The following PCDHA1 variants were observed in gnomAD, a reference collection of about 807,000 sequenced individuals.
PCDHA1 encodes the protein protocadherin alpha 1.
Under a neutral mutation model 61.3 loss-of-function variants are expected in PCDHA1, and 42 were observed. The ratio of observed to expected loss-of-function variants is 0.69; its 90% CI spans 0.54 to 0.89. PCDHA1 has a LOEUF of 0.89. Among genes scored for constraint, PCDHA1 ranks in the 40% least tolerant of loss-of-function variants. The pLI is 0.00. For missense variants in PCDHA1, 1,256 were observed against 1,235.3 expected, an observed-to-expected ratio of 1.02 and a Z score of -0.25; for synonymous variants, 610 against 553.8, an observed-to-expected ratio of 1.10 and a Z score of -1.43.
At chr5:140,954,287 TG>T (rs1353316805) in intron 1 of PCDHA1, among the ~76,000 whole-genome samples, 1 of 152,248 alleles carries the variant, frequency 6.6e-6, no homozygotes, top group Non-Finnish European at 1.5e-5. Flanking sequence ...TATATTCCTT[TG>T]GGTACATACC....
chr5:140,836,580 A>C (rs2150264588), intron 1 of PCDHA1: 1 of 1,613,664 alleles, frequency 6.2e-7, no homozygotes, highest in Non-Finnish European at 8.5e-7. Flanking sequence ...GGGCGCATGT[A>C]GTTTGGTAAA....
intron 1 of PCDHA1, among the ~76,000 whole-genome samples, chr5:140,945,365 G>A (rs1458066318): frequency 6.6e-6 from 1 of 151,914 alleles, no homozygotes; most frequent in Non-Finnish European, 1.5e-5. Flanking sequence ...TGTTTAAAAT[G>A]TCCATATTAC....
In PCDHA1 at chr5:140,870,216, C is replaced by G. The variant is rs1554163914; in HGVS notation, c.2394+81532C>G. On this transcript the variant is annotated intron_variant, in intron 1 of 3. Transcript: ENST00000504120. Reference sequence around the variant, plus strand: ...AGCCCAGCACGGTCATTGCCCTGATCAGCGTGTCTGACCGTGACTCAGGTG... The same window carrying G: ...AGCCCAGCACGGTCATTGCCCTGATGAGCGTGTCTGACCGTGACTCAGGTG... 3 of 1,614,070 alleles carry G rather than the reference C, an allele frequency of 1.9e-6. No homozygotes were observed. Among genetic ancestry groups the G allele is most frequent in the Admixed American group, 3.3e-5 (2 of 60,012 alleles).
At chr5:140,853,678 A>G (rs2042828793) in intron 1 of PCDHA1, 4 of 988,418 alleles carry the variant, frequency 4.0e-6, no homozygotes, top group Non-Finnish European at 3.7e-6. Flanking sequence ...CCTATGGTCA[A>G]CCTATCCTTA....
Position 140,857,640 on chromosome 5 carries a change from A to T in PCDHA1, c.2394+68956A>T, listed in dbSNP as rs1554150415. The T allele has an allele frequency of 1.3e-6, 2 of 1,596,722 alleles. 1 individual carries two copies. The highest frequency in any genetic ancestry group is 3.4e-5 in the Admixed American group (2 of 59,300). On this transcript the variant is annotated intron_variant, in intron 1 of 3. Coordinates refer to ENST00000504120, the MANE Select transcript of PCDHA1 (RefSeq NM_018900.4). The stretch of plus-strand genomic sequence containing the variant: ...GACCACGAGGAGCTGGAGCTGCTAC[A>T]GTTCCAGGTGAGCGCGCGCGATGGG...
chr5:140,926,641 C>A, intron 1 of PCDHA1: 1 of 460,388 alleles, frequency 2.2e-6, no homozygotes, highest in Non-Finnish European at 3.6e-6. Flanking sequence ...TCCTCAACAC[C>A]CGGCCGGCTC....
At chr5:140,789,533 A>G (rs984174658) in intron 1 of PCDHA1, among the ~76,000 whole-genome samples, 6 of 152,056 alleles carry the variant, frequency 3.9e-5, no homozygotes, top group Non-Finnish European at 8.8e-5. Context: ...TAATTTCTTT[A>G]TGAAAACATA....
intron 1 of PCDHA1, among the ~76,000 whole-genome samples, chr5:140,914,458 A>G (rs1294717004): frequency 6.6e-6 from 1 of 152,004 alleles, no homozygotes; most frequent in Non-Finnish European, 1.5e-5. Flanking sequence ...TTTCCAGTCT[A>G]TGTGTATCTT....
chr5:140,876,575 T>C (rs2153342882), intron 1 of PCDHA1: 1 of 1,614,152 alleles, frequency 6.2e-7, no homozygotes, highest in South Asian at 1.1e-5. Context: ...GTGGGTACCG[T>C]CATTGCCCTG....
Position 140,786,560 on chromosome 5 carries a change from C to A in PCDHA1, c.270C>A (p.Ile90=). Residue 90 remains isoleucine (I), a synonymous_variant, in exon 1 of 4, where the codon ATC becomes ATA. Coordinates refer to ENST00000504120, the MANE Select transcript of PCDHA1 (RefSeq NM_018900.4). ...GCATTTTGTTTGTGAATTCTCGGATCGATCGCGAGGAGCTGTGCCAGTGGA... is the reference window on the plus strand; with the variant it reads ...GCATTTTGTTTGTGAATTCTCGGATAGATCGCGAGGAGCTGTGCCAGTGGA... ...QNGILFVNSR[I]DREELCQWSA... 6.2e-7 allele frequency: 1 copy of A among 1,614,212 alleles called. No individual in the cohort carries two copies.
intron 1 of PCDHA1, among the ~76,000 whole-genome samples, chr5:140,909,331 G>T (rs1162078506): frequency 6.6e-6 from 1 of 152,226 alleles, no homozygotes; most frequent in Admixed American, 6.5e-5. Context: ...ATCAATGGTT[G>T]CATACCAGGT....
At chr5:140,829,954 G>C in intron 1 of PCDHA1, 1 of 1,613,992 alleles carries the variant, frequency 6.2e-7, no homozygotes, top group South Asian at 1.1e-5. Flanking sequence ...CTCGCTTCCC[G>C]TTTCGCGTGG....
intron 1 of PCDHA1, chr5:140,802,811 C>T: frequency 6.2e-7 from 1 of 1,613,360 alleles, no homozygotes. Context: ...TGAGTGCGCG[C>T]GATGCGGGCG....
intron 1 of PCDHA1, chr5:140,871,048 C>G (rs1472650820): frequency 6.2e-7 from 1 of 1,613,230 alleles, no homozygotes; most frequent in Non-Finnish European, 8.5e-7. Flanking sequence ...ACTTCTAGTA[C>G]TGGTGAAGGA....
chr5:140,841,831 C>A, intron 1 of PCDHA1: 1 of 1,613,930 alleles, frequency 6.2e-7, no homozygotes, highest in Non-Finnish European at 8.5e-7. Context: ...TGTTAACCTA[C>A]AGGCTTAGCT....
intron 1 of PCDHA1, among the ~76,000 whole-genome samples, chr5:140,845,188 T>C (rs1416130402): frequency 1.3e-5 from 2 of 149,344 alleles, no homozygotes; most frequent in African/African-American, 4.9e-5. Flanking sequence ...CTTTAAAAAA[T>C]ATGATTGTTT....
chr5:140,835,710 G>A (rs1773867505), intron 1 of PCDHA1: 1 of 1,613,842 alleles, frequency 6.2e-7, no homozygotes, highest in Non-Finnish European at 8.5e-7. Context: ...TAGCGTGTCC[G>A]TGGAGGTGGC....
At chr5:140,929,663 G>A (rs1284467278) in intron 1 of PCDHA1, 1 of 336,002 alleles carries the variant, frequency 3.0e-6, no homozygotes, top group African/African-American at 2.1e-5. Context: ...TATTTAAAGT[G>A]AAGAATGAAA....
chr5:140,857,141 G>A, intron 1 of PCDHA1: 3 of 1,598,268 alleles, frequency 1.9e-6, no homozygotes, highest in Non-Finnish European at 2.6e-6. Flanking sequence ...TGCTCAAGTG[G>A]GCACCGTCAT....
Sources: gnomAD v4.1 joint callset for allele counts (sites outside exome capture counted in the v4.1 genomes callset) on GRCh38, gnomAD v4.1.1 for gene constraint, MANE v1.5 for transcripts, NCBI Gene and HGNC (gene_info 2026-07-23, HGNC 2026-07-21) for gene names.